The following PPP2R3B variants were observed in gnomAD, a reference collection of about 807,000 sequenced individuals.
PPP2R3B encodes the protein protein phosphatase 2 regulatory subunit B''beta.
PPP2R3B carries 68 observed loss-of-function variants against 72.9 expected under a neutral mutation model. The ratio of observed to expected loss-of-function variants is 0.93; its 90% CI spans 0.77 to 1.14. PPP2R3B has a LOEUF of 1.14. Among genes scored for constraint, PPP2R3B ranks in the 50% most tolerant of loss-of-function variants. The pLI is 0.00. For missense variants in PPP2R3B, 1,018 were observed against 842.0 expected (o/e 1.21, Z -2.59); for synonymous variants, 466 against 375.8 (o/e 1.24, Z -2.78).
At chrX:353,790 A>G (rs1268901033) in intron 2 of PPP2R3B, among the ~76,000 whole-genome samples, 8 of 149,096 alleles carry the variant, frequency 5.4e-5, no homozygotes, top group African/African-American at 1.5e-4. Flanking sequence ...ACCGGGGCTC[A>G]CCCAAAGACT....
chrX:375,387 G>C (rs1391661735), intron 1 of PPP2R3B, among the ~76,000 whole-genome samples: 4 of 150,266 alleles, frequency 2.7e-5, no homozygotes, highest in African/African-American at 9.8e-5. Flanking sequence ...CAGGGCAGAG[G>C]TGCTGCCCAG....
At chrX:373,564 G>A in intron 1 of PPP2R3B, 1 of 269,488 alleles carries the variant, frequency 3.7e-6, no homozygotes, top group Non-Finnish European at 7.9e-6. Flanking sequence ...TTCTTGAACC[G>A]AGAGGGCAGC....
intron 2 of PPP2R3B, among the ~76,000 whole-genome samples, chrX:355,560 G>A (rs1436800571): frequency 3.3e-5 from 5 of 152,186 alleles, no homozygotes; most frequent in Admixed American, 6.5e-5. Context: ...CCAGAAAGCC[G>A]GAAGTGGAAC....
chrX:374,238 G>A (rs1366058443), intron 1 of PPP2R3B, among the ~76,000 whole-genome samples: 15 of 152,214 alleles, frequency 9.9e-5, no homozygotes, highest in African/African-American at 3.6e-4. Flanking sequence ...CCCCCTCCAC[G>A]ACAACACCAG....
intron 10 of PPP2R3B, 91 bp from the exon 11 acceptor site, chrX:338,987 T>G (rs2070976559): frequency 2.9e-6 from 3 of 1,045,458 alleles, no homozygotes; most frequent in Non-Finnish European, 4.5e-6. Flanking sequence ...CACACGTGCT[T>G]AAGGACGCGG....
Position 384,297 on chromosome X carries a change from T to C in PPP2R3B, c.324+2071A>G, listed in dbSNP as rs760306335. 7.5e-3 allele frequency among the ~76,000 whole-genome samples: 1,110 copies of C among 148,628 alleles called. 16 individuals carry two copies. Among genetic ancestry groups the C allele is most frequent in the African/African-American group, 0.026 (1,049 of 39,860 alleles). On this transcript the variant is annotated intron_variant, in intron 1 of 12. Coordinates refer to ENST00000390665, the MANE Select transcript of PPP2R3B (RefSeq NM_013239.5). ...CTCTCTCTCTCTATATATATATATA[T>C]ACTTTTTTTTTTTTTTTGAGACAGG...
In PPP2R3B at chrX:346,272, CTG is replaced by C. The variant is rs1569386635; in HGVS notation, c.793-14_793-13del. 1 of 1,559,042 alleles carries C rather than the reference CTG, an allele frequency of 6.4e-7. No individual in the cohort carries two copies. The highest frequency in any genetic ancestry group is 1.2e-5 in the South Asian group (1 of 84,704). ...ATCCGCTGGATGACCTGCGGGGGCG[CTG>C]TCAGTGCGGTGGGTGCGCAGAGACC... On this transcript the variant is annotated splice_polypyrimidine_tract_variant and intron_variant, in intron 5 of 12. Transcript: ENST00000390665.
chrX:386,426 G>GA lies in PPP2R3B; in HGVS notation c.265dup (p.Ser89PhefsTer14). On this transcript the variant is annotated frameshift_variant, in exon 1 of 13. Coordinates refer to ENST00000390665, the MANE Select transcript of PPP2R3B (RefSeq NM_013239.5). LOFTEE classifies it high-confidence loss of function. ...AACGTGGGGCGCGTTCCTGGGGCTG[G>GA]AGGCGGCGCCCAGGGGCAGCGCAGG... 7.6e-7 allele frequency: 1 copy of GA among 1,319,302 alleles called. No individual in the cohort carries two copies. The highest frequency in any genetic ancestry group is 9.7e-7 in the Non-Finnish European group (1 of 1,029,530). The allele number at this position is 1,319,302 out of a possible 1,614,324, so 81.7% of individuals were successfully genotyped here. A position where few individuals can be genotyped will look rare whatever the true frequency, so the allele number is the denominator to read the frequency against.
chrX:341,816 G>T (rs1241459722), intron 8 of PPP2R3B, 67 bp downstream of exon 8: 2 of 1,554,836 alleles, frequency 1.3e-6, no homozygotes, highest in East Asian at 2.2e-5. Flanking sequence ...GTCAGGCAAC[G>T]ATGAGGAGAG....
chrX:347,603 C>A lies in PPP2R3B; in HGVS notation c.601G>T (p.Ala201Ser), dbSNP rs376122431. 3.2e-6 allele frequency: 5 copies of A among 1,578,100 alleles called. No homozygotes were observed. In the African/African-American group the frequency reaches 6.7e-5, roughly 21 times the overall value. Residue 201 changes from alanine to serine, a missense_variant, in exon 3 of 13, where the codon GCC (alanine) becomes TCC (serine). Coordinates refer to ENST00000390665, the MANE Select transcript of PPP2R3B (RefSeq NM_013239.5). Reference sequence around the variant, plus strand: ...CCCAGGACTCACTTTCTCCACATGGCGACGAACTTGTGGACGGACACGGAG... The same window carrying A: ...CCCAGGACTCACTTTCTCCACATGGAGACGAACTTGTGGACGGACACGGAG... ...TGSVSVHKFV[A>S]MWRKILQNCH...
chrX:351,349 A>G (rs1266651269), intron 2 of PPP2R3B, among the ~76,000 whole-genome samples: 3 of 152,150 alleles, frequency 2.0e-5, no homozygotes, highest in African/African-American at 7.2e-5. Context: ...TCAAACCCCA[A>G]GCGCTCAACA....
chrX:386,062 A>C (rs2072241307), intron 1 of PPP2R3B, among the ~76,000 whole-genome samples: 1 of 152,244 alleles, frequency 6.6e-6, no homozygotes, highest in African/African-American at 2.4e-5. Flanking sequence ...AGCCTGGGCA[A>C]CAGAGCAAAA....
In PPP2R3B at chrX:338,820, C is replaced by T; in HGVS notation, c.1428G>A (p.Lys476=). 3 of 1,612,470 alleles carry T rather than the reference C, an allele frequency of 1.9e-6. No homozygotes were observed. Among genetic ancestry groups the T allele is most frequent in the Non-Finnish European group, 2.5e-6 (3 of 1,179,706 alleles). Reference sequence around the variant, plus strand: ...GCTCTTTCTGCTCGTGGTCGAGGTACTTCTCGATGTTGAAGAAGGTGTCGA... The same window carrying T: ...GCTCTTTCTGCTCGTGGTCGAGGTATTTCTCGATGTTGAAGAAGGTGTCGA... The part of the protein sequence containing the change: ...VFFDTFFNIE[K]YLDHEQKEQI... Residue 476 remains lysine, a synonymous_variant, in exon 11 of 13, where the codon AAG becomes AAA. Transcript: ENST00000390665.
At chrX:349,049 A>G (rs1237621424) in intron 2 of PPP2R3B, among the ~76,000 whole-genome samples, 1 of 151,282 alleles carries the variant, frequency 6.6e-6, no homozygotes, top group Non-Finnish European at 1.5e-5. Flanking sequence ...TCTAATAATA[A>G]TAATAGACCA....
chrX:346,218 C>A lies in PPP2R3B; in HGVS notation c.835G>T (p.Gly279Cys), dbSNP rs772609622. The A allele has an allele frequency of 5.7e-6, 9 of 1,571,598 alleles. No homozygotes were observed. The highest frequency in any genetic ancestry group is 6.9e-6 in the Non-Finnish European group (8 of 1,160,404). ...CGCAGCTCGGCGCAGGTGATCCTGC[C>A]GGACCAGGACCGGTTCACGGCGTAG... Reference protein sequence around the residue: ...IFYAVNRSWSGRITCAELRRS... With the variant: ...IFYAVNRSWSCRITCAELRRS... Residue 279 changes from glycine to cysteine, a missense_variant, in exon 6 of 13, where the codon GGC (glycine) becomes TGC (cysteine). Gly to Cys is a radical substitution (Grantham distance 159). Transcript: ENST00000390665.
chrX:356,205 G>C (rs2738335), intron 2 of PPP2R3B, among the ~76,000 whole-genome samples: 43,532 of 151,864 alleles, frequency 0.29, 6,685 homozygotes, highest in East Asian at 0.38. Flanking sequence ...CCCGGAAGCA[G>C]GGTTTTTTGT....
chrX:345,647 G>A lies in PPP2R3B; in HGVS notation c.905C>T (p.Ala302Val), dbSNP rs1398906777. ...LQNVALLEEEADINQLTEFFS... is the reference protein window; with the variant it reads ...LQNVALLEEEVDINQLTEFFS... ...GAATTCGGTCAGCTGGTTGATGTCC[G>A]CCTCCTCCTCCAGCAGCGCCACATT... Residue 302 changes from alanine to valine, a missense_variant, in exon 7 of 13, where the codon GCG (alanine) becomes GTG (valine). Ala to Val is a moderately conservative substitution (Grantham distance 64). Coordinates refer to ENST00000390665, the MANE Select transcript of PPP2R3B (RefSeq NM_013239.5). The A allele has an allele frequency of 6.8e-6, 11 of 1,612,858 alleles. No individual in the cohort carries two copies. The highest frequency in any genetic ancestry group is 9.3e-6 in the Non-Finnish European group (11 of 1,179,476).
At chrX:347,467 G>A in intron 3 of PPP2R3B, 123 bp downstream of exon 3, 1 of 1,342,328 alleles carries the variant, frequency 7.4e-7, no homozygotes, top group Non-Finnish European at 1.1e-6. Context: ...GGCCAGGCCT[G>A]TGCCCGTACA....
chrX:362,144 G>A (rs1045382564), intron 1 of PPP2R3B: 2 of 169,074 alleles, frequency 1.2e-5, no homozygotes, highest in African/African-American at 4.8e-5. Flanking sequence ...TACTGCTGCG[G>A]ACACGCCTCA....
Sources: gnomAD v4.1 joint callset for allele counts (sites outside exome capture counted in the v4.1 genomes callset) on GRCh38, gnomAD v4.1.1 for gene constraint, MANE v1.5 for transcripts, NCBI Gene and HGNC (gene_info 2026-07-23, HGNC 2026-07-21) for gene names.